Variants in PARG observed in about 807,000 individuals in gnomAD.
The protein encoded by PARG is poly(ADP-ribose) glycohydrolase.
Under a neutral mutation model 113.0 loss-of-function variants are expected in PARG, and 35 were observed. That is an observed-to-expected ratio of 0.31 (90% confidence interval 0.24 to 0.41). The LOEUF (loss-of-function observed/expected upper bound fraction) is 0.41. Among genes scored for constraint, PARG ranks in the 10% least tolerant of loss-of-function variants. The pLI is 1.00. For synonymous variants in PARG, 330 were observed against 409.9 expected, an observed-to-expected ratio of 0.81 and a Z score of 2.36; for missense variants, 797 against 1,169.4, an observed-to-expected ratio of 0.68 and a Z score of 4.64.
intron 7 of PARG, among the ~76,000 whole-genome samples, chr10:49,915,007 A>G (rs1300886083): frequency 6.6e-6 from 1 of 152,142 alleles, no homozygotes; most frequent in Non-Finnish European, 1.5e-5. Context: ...AATTAACACA[A>G]AATGGGTAAT....
In PARG at chr10:49,881,588, A is replaced by G. The variant is rs1847218276; in HGVS notation, c.1831-1758T>C. The stretch of plus-strand genomic sequence containing the variant: ...GCCTAGAGCAAACTGTCCTGATCAT[A>G]CCTCAGGAGTGGACACCCAGAATGA... On this transcript the variant is annotated intron_variant, in intron 8 of 17. Coordinates refer to ENST00000616448, the MANE Select transcript of PARG (RefSeq NM_003631.5). Among the ~76,000 whole-genome samples, 12 of 152,254 alleles carry G rather than the reference A, an allele frequency of 7.9e-5. No individual in the cohort carries two copies. In the South Asian group the frequency reaches 2.5e-3, roughly 32 times the overall value.
Position 49,820,884 on chromosome 10 carries a change from G to A in PARG, c.2648-591C>T, listed in dbSNP as rs200045836. On this transcript the variant is annotated intron_variant, in intron 16 of 17. Transcript: ENST00000616448. ...GGAAGCTGCAAACCATGGGACTAAG[G>A]TAGTATTTATATTCGCTTCTATTAA... Among the ~76,000 whole-genome samples, 8 of 152,234 alleles carry A rather than the reference G, an allele frequency of 5.3e-5. No individual in the cohort carries two copies. In the East Asian group the frequency reaches 9.7e-4, roughly 18 times the overall value.
intron 6 of PARG, among the ~76,000 whole-genome samples, chr10:49,916,428 A>AT (rs1554847638): frequency 6.6e-6 from 1 of 152,144 alleles, no homozygotes; most frequent in Admixed American, 6.6e-5. Flanking sequence ...TGAGGCATAA[A>AT]TTTTTTTGTA....
chr10:49,847,995 T>C (rs1845589063), intron 13 of PARG, among the ~76,000 whole-genome samples: 1 of 151,814 alleles, frequency 6.6e-6, no homozygotes, highest in Non-Finnish European at 1.5e-5. Flanking sequence ...ATATGGAAAT[T>C]CCATGTATTA....
At position 49,832,754 on chromosome 10, in the gene PARG, C is replaced by CT. The variant is rs1844733381; in HGVS notation, c.2647+48dup. 6 of 1,124,314 alleles carry CT rather than the reference C, an allele frequency of 5.3e-6. No individual in the cohort carries two copies. In the South Asian group the frequency reaches 5.7e-5, roughly 11 times the overall value. The allele number at this position is 1,124,314 out of a possible 1,614,324, so 69.6% of individuals were successfully genotyped here. On this transcript the variant is annotated intron_variant, in intron 16 of 17. Transcript: ENST00000616448. ...TGAGAAATCTGGTTTGAAGGACTAA[C>CT]TTTTTTTGTGTGGGCAGAATGCTTT...
At chr10:49,898,118 T>C (rs2941192) in intron 7 of PARG, among the ~76,000 whole-genome samples, 1 of 152,222 alleles carries the variant, frequency 6.6e-6, no homozygotes, top group Non-Finnish European at 1.5e-5. Context: ...GGCCTAGATG[T>C]GCATTTACTC....
intron 7 of PARG, among the ~76,000 whole-genome samples, chr10:49,900,634 A>G (rs1466267975): frequency 1.3e-5 from 2 of 152,252 alleles, no homozygotes; most frequent in East Asian, 3.8e-4. Flanking sequence ...TAGAAAAGAC[A>G]AAACGTAATA....
chr10:49,894,196 G>A (rs1366055211), intron 7 of PARG, among the ~76,000 whole-genome samples: 1 of 148,622 alleles, frequency 6.7e-6, no homozygotes, highest in Non-Finnish European at 1.5e-5. Context: ...ACCATGCCCA[G>A]CTAATTAATT....
Position 49,941,519 on chromosome 10 carries a change from G to A in PARG, c.207C>T (p.Ala69=). 6.4e-7 allele frequency: 1 copy of A among 1,552,502 alleles called. No homozygotes were observed. The highest frequency in any genetic ancestry group is 1.2e-5 in the South Asian group (1 of 84,160). Residue 69 remains alanine (A), a synonymous_variant, in exon 1 of 18, where the codon GCC becomes GCT. Coordinates refer to ENST00000616448, the MANE Select transcript of PARG (RefSeq NM_003631.5). ...TATTTTCCCACGTACCAAGCGAGGT[G>A]GCGCTGCCTCTGTGCTGTCCCGCCC... The part of the protein sequence containing the change: ...PGRAGQHRGS[A]TSLVFKQKTI...
Position 49,822,071 on chromosome 10 carries a change from G to T in PARG, c.2648-1778C>A, listed in dbSNP as rs548399801. On this transcript the variant is annotated intron_variant, in intron 16 of 17. Transcript: ENST00000616448. Reference sequence around the variant, plus strand: ...AATTGTATTAGAGGAATGAGCAAATGAATAAATGTGTTGATGCTGCTGGGA... The same window carrying T: ...AATTGTATTAGAGGAATGAGCAAATTAATAAATGTGTTGATGCTGCTGGGA... Among the ~76,000 whole-genome samples, 3 of 152,308 alleles carry T rather than the reference G, an allele frequency of 2.0e-5. No individual in the cohort carries two copies. In the East Asian group the frequency reaches 5.8e-4, roughly 29 times the overall value.
At chr10:49,823,100 T>G (rs1844184709) in intron 16 of PARG, among the ~76,000 whole-genome samples, 1 of 152,184 alleles carries the variant, frequency 6.6e-6, no homozygotes, top group Non-Finnish European at 1.5e-5. Context: ...CATTTATGAA[T>G]TTAATAACTA....
intron 16 of PARG, among the ~76,000 whole-genome samples, chr10:49,829,250 A>G (rs540625175): frequency 6.6e-6 from 1 of 152,218 alleles, no homozygotes; most frequent in East Asian, 1.9e-4. Flanking sequence ...TAAAAAAAAA[A>G]AAATTTGCCT....
chr10:49,878,781 G>A (rs1453419911), intron 9 of PARG, among the ~76,000 whole-genome samples: 2 of 151,928 alleles, frequency 1.3e-5, no homozygotes, highest in Non-Finnish European at 2.9e-5. Flanking sequence ...GGTGACCAGA[G>A]GCAGTGAAGG....
chr10:49,867,941 A>C (rs1265194558), intron 10 of PARG, among the ~76,000 whole-genome samples: 9 of 152,166 alleles, frequency 5.9e-5, no homozygotes, highest in African/African-American at 2.2e-4. Flanking sequence ...AACAAAAAAA[A>C]CCAATAGTAA....
intron 7 of PARG, among the ~76,000 whole-genome samples, chr10:49,900,949 A>C (rs1848322493): frequency 6.6e-6 from 1 of 152,232 alleles, no homozygotes; most frequent in African/African-American, 2.4e-5. Flanking sequence ...AGAAACAGCT[A>C]ATGGTGATGT....
At chr10:49,900,293 T>C (rs1461907745) in intron 7 of PARG, among the ~76,000 whole-genome samples, 3 of 151,802 alleles carry the variant, frequency 2.0e-5, no homozygotes, top group African/African-American at 4.8e-5. Flanking sequence ...TGCATTAGTT[T>C]TTCACTTCAG....
At chr10:49,932,312 C>T (rs1299227421) in intron 3 of PARG, 29 bp from the exon 4 acceptor site, 1 of 1,324,046 alleles carries the variant, frequency 7.6e-7, no homozygotes, top group African/African-American at 1.4e-5. Context: ...TATTTAGTCA[C>T]AAATTATTTA....
Position 49,857,361 on chromosome 10 carries a change from A to G in PARG, c.2298T>C (p.Ile766=). The change falls in exon 13 of 18, where the codon ATT becomes ATC. Residue 766 remains isoleucine (I), a synonymous_variant. Coordinates refer to ENST00000616448, the MANE Select transcript of PARG (RefSeq NM_003631.5). ...GCACCTCAGTGAAGAGCCGTGAAAT[A>G]ATCAACTCAGGATTGATTAAAAAGC... is the stretch of plus-strand genomic sequence containing the variant. ...EIRFLINPEL[I]ISRLFTEVLD... 8.0e-7 allele frequency: 1 copy of G among 1,257,584 alleles called. No homozygotes were observed. The highest frequency in any genetic ancestry group is 1.3e-5 in the South Asian group (1 of 79,390). The allele number at this position is 1,257,584 out of a possible 1,614,324, so 77.9% of individuals were successfully genotyped here. A position where few individuals can be genotyped will look rare whatever the true frequency, so the allele number is the denominator to read the frequency against.
At chr10:49,917,838 G>A (rs201793680) in intron 6 of PARG, among the ~76,000 whole-genome samples, 25 of 143,636 alleles carry the variant, frequency 1.7e-4, no homozygotes, top group Admixed American at 2.8e-4. Flanking sequence ...AAAAAAGAAA[G>A]AAAAAAAAAA....
Sources: gnomAD v4.1 joint callset for allele counts (sites outside exome capture counted in the v4.1 genomes callset) on GRCh38, gnomAD v4.1.1 for gene constraint, MANE v1.5 for transcripts, NCBI Gene and HGNC (gene_info 2026-07-23, HGNC 2026-07-21) for gene names.